Variants in AUTS2 observed in about 807,000 individuals in gnomAD.
AUTS2 encodes autism susceptibility gene 2 protein.
A neutral mutation model predicts 112.4 loss-of-function variants in AUTS2; 17 were observed. The observed-to-expected ratio is 0.15, with a 90% CI of 0.10 to 0.23. The LOEUF is 0.23. Among genes scored for constraint, AUTS2 ranks in the 10% least tolerant of loss-of-function variants. The pLI is 1.00. For missense variants in AUTS2, 1,510 were observed against 1,701.6 expected, an observed-to-expected ratio of 0.89 and a Z score of 1.98; for synonymous variants, 751 against 702.7, an observed-to-expected ratio of 1.07 and a Z score of -1.09.
At chr7:69,803,630 C>T (rs1229407554) in intron 1 of AUTS2, among the ~76,000 whole-genome samples, 1 of 152,194 alleles carries the variant, frequency 6.6e-6, no homozygotes, top group South Asian at 2.1e-4. Context: ...TCAGTACCAG[C>T]TATAAGCTAA....
chr7:69,976,330 T>C (rs1798058115), intron 2 of AUTS2, among the ~76,000 whole-genome samples: 2 of 152,248 alleles, frequency 1.3e-5, no homozygotes, highest in Non-Finnish European at 2.9e-5. Flanking sequence ...TGTGACAAGA[T>C]TCCTTCCTTT....
At chr7:70,359,277 CGTT>C (rs1326684396) in intron 4 of AUTS2, among the ~76,000 whole-genome samples, 1 of 152,144 alleles carries the variant, frequency 6.6e-6, no homozygotes. Context: ...ACGATAATTG[CGTT>C]GTTGTTGTTA....
chr7:70,606,683 G>A (rs1022689773), intron 5 of AUTS2, among the ~76,000 whole-genome samples: 6 of 151,954 alleles, frequency 3.9e-5, no homozygotes, highest in Admixed American at 2.6e-4. Context: ...CAAAAGTGGT[G>A]AAACCCCATC....
At chr7:70,785,872 G>A (rs950604563) in intron 16 of AUTS2, 83 bp from the exon 17 acceptor site, 34 of 1,303,676 alleles carry the variant, frequency 2.6e-5, no homozygotes, top group Middle Eastern at 2.5e-4. Flanking sequence ...CAGGGATCCC[G>A]CATCGCCCTG....
intron 5 of AUTS2, among the ~76,000 whole-genome samples, chr7:70,480,382 G>A (rs1432587952): frequency 1.3e-5 from 2 of 152,160 alleles, no homozygotes; most frequent in Admixed American, 6.5e-5. Flanking sequence ...TAAAGTAATA[G>A]GATACGTGCT....
chr7:69,874,544 G>T (rs1793641849), intron 1 of AUTS2, among the ~76,000 whole-genome samples: 1 of 152,220 alleles, frequency 6.6e-6, no homozygotes, highest in South Asian at 2.1e-4. Flanking sequence ...TGGAAGTCCA[G>T]ATGAGGAGGT....
chr7:70,249,124 G>T (rs1004833841), intron 4 of AUTS2, among the ~76,000 whole-genome samples: 1 of 152,104 alleles, frequency 6.6e-6, no homozygotes, highest in Admixed American at 6.6e-5. Context: ...GAAATATAAG[G>T]TGTTATTTAA....
intron 5 of AUTS2, among the ~76,000 whole-genome samples, chr7:70,659,389 C>G (rs1053290617): frequency 6.6e-6 from 1 of 152,106 alleles, no homozygotes; most frequent in Non-Finnish European, 1.5e-5. Flanking sequence ...CTGACTTTCC[C>G]CTCCCACCTA....
At position 70,790,343 on chromosome 7, in the gene AUTS2, A is replaced by G. The variant is rs1272065983; in HGVS notation, c.3127A>G (p.Thr1043Ala). 1 of 1,613,530 alleles carries G rather than the reference A, an allele frequency of 6.2e-7. No homozygotes were observed. Among genetic ancestry groups the G allele is most frequent in the African/African-American group, 1.3e-5 (1 of 74,854 alleles). The change falls in exon 19 of 19, where the codon ACT becomes GCT. Residue 1043 changes from threonine to alanine, a missense_variant. Thr to Ala is a moderately conservative substitution (Grantham distance 58). Around this residue, in one of 3 missense-constraint regions of AUTS2, gnomAD observed 788 missense variants for 797.6 expected, o/e 0.99. Transcript: ENST00000342771. This position sits in a 1 kb window ranked among gnomAD's most constrained non-coding sequence, Gnocchi z 7.6. ...PMNSISSLDR[T>A]RMMTPFMGIS... ...GAACAGCATCAGCAGCCTGGACAGG[A>G]CTCGCATGATGACCCCCTTCATGGG...
chr7:70,164,833 C>T (rs1234233677), intron 4 of AUTS2, among the ~76,000 whole-genome samples: 1 of 151,546 alleles, frequency 6.6e-6, no homozygotes, highest in Non-Finnish European at 1.5e-5. Flanking sequence ...AAAATTATGA[C>T]ATAGACACAC....
At chr7:70,333,766 A>G (rs977127098) in intron 4 of AUTS2, among the ~76,000 whole-genome samples, 30 of 152,228 alleles carry the variant, frequency 2.0e-4, no homozygotes, top group African/African-American at 7.2e-4. Flanking sequence ...ATGAGAACAC[A>G]TGGACACAGG....
chr7:70,348,225 C>T (rs1463969245), intron 4 of AUTS2, among the ~76,000 whole-genome samples: 1 of 152,154 alleles, frequency 6.6e-6, no homozygotes, highest in East Asian at 1.9e-4. Flanking sequence ...TATAAGGAAA[C>T]TGAGGCCCCA....
At chr7:70,312,531 A>T (rs1221544597) in intron 4 of AUTS2, among the ~76,000 whole-genome samples, 1 of 152,208 alleles carries the variant, frequency 6.6e-6, no homozygotes, top group African/African-American at 2.4e-5. Flanking sequence ...CCACTTAAGT[A>T]TTTCTGATCT....
At chr7:70,708,681 T>A (rs1374896496) in intron 6 of AUTS2, among the ~76,000 whole-genome samples, 1 of 152,030 alleles carries the variant, frequency 6.6e-6, no homozygotes, top group Non-Finnish European at 1.5e-5. Flanking sequence ...TGACCAGCCC[T>A]CAAACTGCAG....
rs112328256 is a variant in AUTS2, at chr7:70,600,568, G to A, written c.691-98001G>A. Among the ~76,000 whole-genome samples, 1,227 of 152,260 alleles carry A rather than the reference G, an allele frequency of 8.1e-3. 19 individuals are homozygous for A. The highest frequency in any genetic ancestry group is 0.028 in the African/African-American group (1,173 of 41,548). ...TGGGATTACAGGCACGGGCCACCGC[G>A]CCCGGCCCAATTCAGTAATTTTTAG... On this transcript the variant is annotated intron_variant, in intron 5 of 18. Transcript: ENST00000342771.
intron 2 of AUTS2, among the ~76,000 whole-genome samples, chr7:69,939,720 G>A (rs181534136): frequency 6.6e-6 from 1 of 152,310 alleles, no homozygotes; most frequent in African/African-American, 2.4e-5. Context: ...TTAGGCATAA[G>A]GTACTGTGTC....
chr7:70,215,201 GT>G (rs1238992377), intron 4 of AUTS2, among the ~76,000 whole-genome samples: 3 of 152,188 alleles, frequency 2.0e-5, no homozygotes, highest in Non-Finnish European at 4.4e-5. Context: ...AATCACTGGA[GT>G]CCAGGAGTTT....
At chr7:70,305,188 A>G (rs1054946636) in intron 4 of AUTS2, among the ~76,000 whole-genome samples, 31 of 152,090 alleles carry the variant, frequency 2.0e-4, no homozygotes, top group Admixed American at 8.5e-4. Context: ...ATAATGGTGT[A>G]TCTCAGTGGT....
chr7:70,296,839 CA>C (rs1361271247), intron 4 of AUTS2, among the ~76,000 whole-genome samples: 39 of 140,318 alleles, frequency 2.8e-4, no homozygotes, highest in Non-Finnish European at 4.1e-4. Context: ...CCTGGGTATA[CA>C]TTTTTTTTTT....
Sources: allele counts gnomAD v4.1 joint callset (sites outside exome capture counted in the v4.1 genomes callset), GRCh38; gene constraint gnomAD v4.1.1; regional missense constraint gnomAD v4.1.1; non-coding constraint Gnocchi (gnomAD v3.1); transcripts MANE v1.5; gene names NCBI Gene and HGNC (gene_info 2026-07-23, HGNC 2026-07-21).